PROM1: variants seen among roughly 807,000 people sequenced by gnomAD.
The protein encoded by PROM1 is prominin 1.
In PROM1, 105 loss-of-function variants were observed where a neutral mutation model predicts 116.9. The ratio of observed to expected loss-of-function variants is 0.90; its 90% CI spans 0.77 to 1.06. PROM1 has a LOEUF of 1.06. Ranked by LOEUF, PROM1 falls within the 50% of genes least tolerant of loss-of-function variation. PROM1 has a pLI of 0.00. For synonymous variants in PROM1, 393 were observed against 387.0 expected (o/e 1.02, Z -0.18); for missense variants, 1,122 against 1,045.2 (o/e 1.07, Z -1.01).
In PROM1 at chr4:15,979,367, G is replaced by A. The variant is rs151287467; in HGVS notation, c.2582+28C>T. The A allele has an allele frequency of 4.5e-5, 72 of 1,613,422 alleles. No individual in the cohort carries two copies. In the East Asian group the frequency reaches 1.1e-3, roughly 25 times the overall value. On this transcript the variant is annotated intron_variant, in intron 26 of 27. Transcript: ENST00000447510. ...GAGATGAGACGGTTTATCATAGGGC[G>A]GGCATGCACTTCCAGACTTTGCTTT...
At chr4:16,018,015 A>AC (rs1160757138) in intron 9 of PROM1, among the ~76,000 whole-genome samples, 1 of 30,284 alleles carries the variant, frequency 3.3e-5, no homozygotes, top group Non-Finnish European at 1.1e-4. Context: ...CATATTTAAA[A>AC]ATTTTTTAAT....
chr4:16,049,431 T>G (rs904127497), intron 2 of PROM1, among the ~76,000 whole-genome samples: 1 of 152,172 alleles, frequency 6.6e-6, no homozygotes, highest in African/African-American at 2.4e-5. Flanking sequence ...ATATATAGTT[T>G]GAGCTCACGT....
At chr4:16,082,380 C>A (rs1203293964) in intron 1 of PROM1, 2 of 152,162 alleles carry the variant, frequency 1.3e-5, no homozygotes, top group African/African-American at 4.8e-5. Flanking sequence ...TACGATCGTG[C>A]ACTTGCTTTC....
rs762888309 is a variant in PROM1 at position 15,979,891 on chromosome 4, G to A, written c.2503C>T (p.Pro835Ser). The change falls in exon 25 of 28, where the codon CCC (proline) becomes TCC (serine). Residue 835 changes from proline (P) to serine (S), a missense_variant. Pro to Ser is a moderately conservative substitution (Grantham distance 74). Transcript: ENST00000447510. ...EDVYDDVETI[P>S]MKNMENGNNG... is the part of the protein sequence containing the mutation. ...TTTAAAAAGGCTTACTTTTTCATGG[G>A]TATAGTTTCAACACTATAAAATACA... The A allele has an allele frequency of 1.4e-6, 2 of 1,449,026 alleles. No homozygotes were observed. The highest frequency in any genetic ancestry group is 1.9e-6 in the Non-Finnish European group (2 of 1,063,986). The allele number at this position is 1,449,026 out of a possible 1,614,324, so 89.8% of individuals were successfully genotyped here. A position where few individuals can be genotyped will look rare whatever the true frequency, so the allele number is the denominator to read the frequency against.
chr4:15,982,344 C>G (rs1259509440), intron 23 of PROM1, among the ~76,000 whole-genome samples: 2 of 152,172 alleles, frequency 1.3e-5, no homozygotes, highest in Non-Finnish European at 1.5e-5. Context: ...CTCCTAACTT[C>G]CAGTCAATTT....
At chr4:15,988,043 A>AT (rs1178722101) in intron 19 of PROM1, among the ~76,000 whole-genome samples, 19 of 151,812 alleles carry the variant, frequency 1.3e-4, no homozygotes, top group African/African-American at 4.6e-4. Context: ...CGCCCGGCTA[A>AT]TTTTTTGTAT....
At chr4:16,071,183 G>C (rs1253673013) in intron 2 of PROM1, among the ~76,000 whole-genome samples, 1 of 152,160 alleles carries the variant, frequency 6.6e-6, no homozygotes, top group African/African-American at 2.4e-5. Flanking sequence ...TAACCTATCA[G>C]CTGTTGATGG....
chr4:15,985,768 C>T lies in PROM1; in HGVS notation c.2272G>A (p.Glu758Lys), dbSNP rs371004406. ...GYFEHYLQWIEFSISEKVASC... is the reference protein window; with the variant it reads ...GYFEHYLQWIKFSISEKVASC... ...AAAGATAAACTACTTACAGAGAACTCGATCCACTGCAGATAATGTTCAAAA... is the reference window on the plus strand; with the variant it reads ...AAAGATAAACTACTTACAGAGAACTTGATCCACTGCAGATAATGTTCAAAA... Residue 758 changes from glutamate to lysine, a missense_variant, in exon 22 of 28, where the codon GAG becomes AAG. Glu to Lys is a moderately conservative substitution (Grantham distance 56). Transcript: ENST00000447510. 1.2e-5 allele frequency: 18 copies of T among 1,564,626 alleles called. No homozygotes were observed. Among genetic ancestry groups the T allele is most frequent in the African/African-American group, 8.1e-5 (6 of 73,820 alleles).
At chr4:16,020,699 T>C (rs1337260954) in intron 8 of PROM1, among the ~76,000 whole-genome samples, 4 of 152,172 alleles carry the variant, frequency 2.6e-5, no homozygotes, top group Non-Finnish European at 5.9e-5. Context: ...TGACAGGTGA[T>C]AAAATAAATG....
intron 13 of PROM1, chr4:16,003,466 G>T: frequency 2.2e-6 from 1 of 453,530 alleles, no homozygotes; most frequent in Non-Finnish European, 4.5e-6. Context: ...CCAGCCATAG[G>T]AATGTGCCCA....
chr4:16,072,558 G>A (rs7664367), intron 2 of PROM1, among the ~76,000 whole-genome samples: 118,552 of 152,220 alleles, frequency 0.78, 46,326 homozygotes, highest in Non-Finnish European at 0.82. Context: ...CATAGGCCCA[G>A]CTAACTTTGG....
At chr4:16,033,917 A>G (rs983741428) in intron 4 of PROM1, among the ~76,000 whole-genome samples, 4 of 148,514 alleles carry the variant, frequency 2.7e-5, no homozygotes, top group African/African-American at 5.1e-5. Context: ...ATATATATAT[A>G]TATGTATGTA....
At chr4:15,992,721 C>A (rs1448294749) in intron 16 of PROM1, among the ~76,000 whole-genome samples, 1 of 152,172 alleles carries the variant, frequency 6.6e-6, no homozygotes, top group Non-Finnish European at 1.5e-5. Context: ...TGTTCATTTC[C>A]CATCTCTTTC....
At chr4:15,999,857 A>C (rs957605693) in intron 14 of PROM1, among the ~76,000 whole-genome samples, 3 of 149,814 alleles carry the variant, frequency 2.0e-5, no homozygotes, top group Admixed American at 1.3e-4. Context: ...GAAAAAAAAA[A>C]CACAGAAAAG....
chr4:16,062,724 C>T (rs1740632699), intron 2 of PROM1, among the ~76,000 whole-genome samples: 1 of 152,186 alleles, frequency 6.6e-6, no homozygotes, highest in African/African-American at 2.4e-5. Context: ...AAACTTCTAA[C>T]AATTAACGCC....
chr4:16,072,989 A>G (rs1464844055), intron 2 of PROM1, among the ~76,000 whole-genome samples: 1 of 152,080 alleles, frequency 6.6e-6, no homozygotes, highest in Non-Finnish European at 1.5e-5. Context: ...CCCACTTTCT[A>G]ATCCCCTACC....
intron 19 of PROM1, among the ~76,000 whole-genome samples, chr4:15,987,963 G>A (rs764333099): frequency 2.8e-5 from 4 of 144,886 alleles, no homozygotes; most frequent in African/African-American, 7.7e-5. Context: ...TGCAAGCTCC[G>A]CCTCCTGGGT....
At chr4:16,079,611 G>A (rs931077066) in intron 1 of PROM1, among the ~76,000 whole-genome samples, 3 of 152,050 alleles carry the variant, frequency 2.0e-5, no homozygotes, top group South Asian at 2.1e-4. Flanking sequence ...CATCTGTCTC[G>A]GGATAAAATG....
intron 2 of PROM1, among the ~76,000 whole-genome samples, chr4:16,075,134 G>A (rs1578330923): frequency 6.6e-6 from 1 of 152,156 alleles, no homozygotes; most frequent in East Asian, 1.9e-4. Context: ...ACAGCACTAT[G>A]GCATGACAGT....
Sources: gnomAD v4.1 joint callset for allele counts (sites outside exome capture counted in the v4.1 genomes callset) on GRCh38, gnomAD v4.1.1 for gene constraint, MANE v1.5 for transcripts, NCBI Gene and HGNC (gene_info 2026-07-23, HGNC 2026-07-21) for gene names.